The following FILIP1 variants were observed in gnomAD, a reference collection of about 807,000 sequenced individuals.
FILIP1 encodes the protein filamin A interacting protein 1, also known as filamin-A-interacting protein 1.
FILIP1 carries 61 observed loss-of-function variants against 102.1 expected under a neutral mutation model. The observed-to-expected ratio is 0.60, with a 90% CI of 0.49 to 0.74. The LOEUF is 0.74. Ranked by LOEUF, FILIP1 falls within the 30% of genes least tolerant of loss-of-function variation. The probability of loss-of-function intolerance (pLI) is 0.00; values close to 1 mark genes in which losing one functional copy is unlikely to be tolerated. For missense variants in FILIP1, 1,314 were observed against 1,441.2 expected (o/e 0.91, Z 1.43); for synonymous variants, 491 against 526.9 (o/e 0.93, Z 0.93).
At chr6:75,423,976 T>A (rs932723863) in intron 1 of FILIP1, among the ~76,000 whole-genome samples, 2 of 152,196 alleles carry the variant, frequency 1.3e-5, no homozygotes, top group African/African-American at 4.8e-5. Context: ...TTTTAATGAT[T>A]TAAAATTCAT....
intron 2 of FILIP1, among the ~76,000 whole-genome samples, chr6:75,381,450 G>C (rs1009612391): frequency 2.6e-5 from 4 of 152,050 alleles, no homozygotes; most frequent in African/African-American, 9.7e-5. Context: ...GGCTGGTCTT[G>C]AACTCCTGAC....
intron 1 of FILIP1, among the ~76,000 whole-genome samples, chr6:75,440,826 G>A: frequency 6.6e-6 from 1 of 152,000 alleles, no homozygotes; most frequent in East Asian, 1.9e-4. Flanking sequence ...GCACATGCCT[G>A]TAATCCCAGC....
At chr6:75,464,605 CAA>C (rs1268242950) in intron 1 of FILIP1, among the ~76,000 whole-genome samples, 1 of 152,194 alleles carries the variant, frequency 6.6e-6, no homozygotes, top group Admixed American at 6.5e-5. Context: ...TTCTGATGTA[CAA>C]AGACTTTGGT....
chr6:75,486,979 C>T (rs144339249), intron 1 of FILIP1, among the ~76,000 whole-genome samples: 3 of 152,130 alleles, frequency 2.0e-5, no homozygotes, highest in Non-Finnish European at 4.4e-5. Context: ...GAGAAGTGAA[C>T]TCGACCAATG....
chr6:75,475,658 C>T (rs901459840), intron 1 of FILIP1, among the ~76,000 whole-genome samples: 3 of 151,916 alleles, frequency 2.0e-5, no homozygotes, highest in African/African-American at 7.3e-5. Context: ...ATTAGAAAAT[C>T]TATTAGGAAA....
At chr6:75,321,800 C>CA (rs989422573) in intron 4 of FILIP1, among the ~76,000 whole-genome samples, 10,458 of 76,706 alleles carry the variant, frequency 0.14, 404 homozygotes, top group East Asian at 0.2. Context: ...GACTCCGTCT[C>CA]AAAAAAAAAA....
Position 75,313,173 on chromosome 6 carries a change from C to T in FILIP1, c.2659G>A (p.Gly887Arg). 1 of 1,614,156 alleles carries T rather than the reference C, an allele frequency of 6.2e-7. No homozygotes were observed. Among genetic ancestry groups the T allele is most frequent in the South Asian group, 1.1e-5 (1 of 91,084 alleles). ...CCTGGACTGGAATTTGTTCGGGGCC[C>T]TTTCTCCTGAGTGATGGAGGGGCCG... is the stretch of plus-strand genomic sequence containing the variant. Reference protein sequence around the residue: ...ENGPSITQEKGPRTNSSPGHP... With the variant: ...ENGPSITQEKRPRTNSSPGHP... The change falls in exon 5 of 6, where the codon GGG becomes AGG. Residue 887 changes from glycine to arginine, a missense_variant. By Grantham distance (125) the Gly-to-Arg change is moderately radical. Coordinates refer to ENST00000237172, the MANE Select transcript of FILIP1 (RefSeq NM_015687.5). The surrounding 1 kb of genome is among the most constrained non-coding windows in gnomAD (Gnocchi z 4.2).
At position 75,308,128 on chromosome 6, in the gene FILIP1, A is replaced by T. The variant is rs911494796; in HGVS notation, c.*563T>A. 2.1e-5 allele frequency: 21 copies of T among 985,772 alleles called. No homozygotes were observed. The African/African-American group carries it at 3.5e-4, about 16-fold the overall frequency. The allele number at this position is 985,772 out of a possible 1,614,324, so 61.1% of individuals were successfully genotyped here. The stretch of plus-strand genomic sequence containing the variant: ...TTCCATTTTATTACATGTTCACATT[A>T]TTTCCTGAAATCATCTTAGAACCTT... On this transcript the variant is annotated 3_prime_UTR_variant, in exon 6 of 6. Coordinates refer to ENST00000237172, the MANE Select transcript of FILIP1 (RefSeq NM_015687.5).
At chr6:75,294,250 A>G (rs910369029) in exon 7 of FILIP1, 1 of 152,114 alleles carries the variant, frequency 6.6e-6, no homozygotes, top group Non-Finnish European at 1.5e-5. Context: ...TGAACTAGAG[A>G]AATGGGCCAG....
intron 2 of FILIP1, among the ~76,000 whole-genome samples, chr6:75,397,165 T>TA (rs965267661): frequency 6.6e-5 from 10 of 151,120 alleles, no homozygotes; most frequent in African/African-American, 1.2e-4. Context: ...TAAAGTATAA[T>TA]AAAAAAAAGT....
chr6:75,467,472 C>T (rs1779201254), intron 1 of FILIP1, among the ~76,000 whole-genome samples: 2 of 152,172 alleles, frequency 1.3e-5, no homozygotes, highest in African/African-American at 2.4e-5. Context: ...TCTCAGCTCT[C>T]GGCTACCTCC....
chr6:75,432,885 T>G (rs1390880436), intron 1 of FILIP1, among the ~76,000 whole-genome samples: 2 of 151,956 alleles, frequency 1.3e-5, no homozygotes, highest in Non-Finnish European at 2.9e-5. Context: ...CCTGTGTCCA[T>G]GTGTATTGTT....
intron 1 of FILIP1, among the ~76,000 whole-genome samples, chr6:75,438,171 G>A (rs1778087404): frequency 6.6e-6 from 1 of 152,104 alleles, no homozygotes; most frequent in African/African-American, 2.4e-5. Flanking sequence ...TTTGGGGCAG[G>A]AAATATTAGC....
chr6:75,372,844 C>A (rs979465211), intron 2 of FILIP1, among the ~76,000 whole-genome samples: 1 of 151,790 alleles, frequency 6.6e-6, no homozygotes, highest in Admixed American at 6.6e-5. Flanking sequence ...AAAATTGAAA[C>A]CCTGGTGCAC....
intron 1 of FILIP1, among the ~76,000 whole-genome samples, chr6:75,432,609 C>T (rs1777862345): frequency 6.6e-6 from 1 of 151,998 alleles, no homozygotes; most frequent in South Asian, 2.1e-4. Flanking sequence ...CTATGCAAGG[C>T]CATATAGGTT....
chr6:75,334,406 T>C (rs1032965918), intron 4 of FILIP1, among the ~76,000 whole-genome samples: 2 of 152,166 alleles, frequency 1.3e-5, no homozygotes, highest in Admixed American at 6.5e-5. Flanking sequence ...TTTTCAAGGC[T>C]TGTCACCATC....
intron 4 of FILIP1, among the ~76,000 whole-genome samples, chr6:75,321,710 C>T (rs1172679890): frequency 6.6e-6 from 1 of 151,972 alleles, no homozygotes; most frequent in East Asian, 1.9e-4. Flanking sequence ...AGGAGAATGG[C>T]GTGAACCCGG....
At chr6:75,472,959 G>C (rs902955458) in intron 1 of FILIP1, among the ~76,000 whole-genome samples, 4 of 152,018 alleles carry the variant, frequency 2.6e-5, no homozygotes, top group Non-Finnish European at 5.9e-5. Context: ...AATTCTCTTA[G>C]CCATATTTTT....
intron 2 of FILIP1, among the ~76,000 whole-genome samples, chr6:75,387,468 T>C (rs1458417296): frequency 6.6e-6 from 1 of 152,202 alleles, no homozygotes; most frequent in Non-Finnish European, 1.5e-5. Context: ...ATTGCCAAAC[T>C]GTCTTCCAAA....
Sources: gnomAD v4.1 joint callset for allele counts (sites outside exome capture counted in the v4.1 genomes callset) on GRCh38, gnomAD v4.1.1 for gene constraint, Gnocchi (gnomAD v3.1) non-coding constraint, MANE v1.5 for transcripts, NCBI Gene and HGNC (gene_info 2026-07-23, HGNC 2026-07-21) for gene names.